The following REV3L variants were observed in gnomAD, a reference collection of about 807,000 sequenced individuals.
REV3L encodes the protein REV3 like, DNA directed polymerase zeta catalytic subunit.
Under a neutral mutation model 299.4 loss-of-function variants are expected in REV3L, and 69 were observed. The ratio of observed to expected loss-of-function variants is 0.23; its 90% CI spans 0.19 to 0.28. The LOEUF (loss-of-function observed/expected upper bound fraction) is 0.28. Among genes scored for constraint, REV3L ranks in the 10% least tolerant of loss-of-function variants. The pLI, the probability that REV3L is intolerant of heterozygous loss-of-function variation, is 1.00. For synonymous variants in REV3L, 1,238 were observed against 1,271.4 expected (o/e 0.97, Z 0.56); for missense variants, 3,128 against 3,693.8 (o/e 0.85, Z 3.97).
At chr6:111,351,527 T>G in intron 19 of REV3L, 149 bp downstream of exon 19, 1 of 496,054 alleles carries the variant, frequency 2.0e-6, no homozygotes, top group Non-Finnish European at 3.6e-6. Flanking sequence ...TTTAATTTTT[T>G]CTACAATGGA....
chr6:111,314,963 A>G (rs556080844), intron 27 of REV3L, among the ~76,000 whole-genome samples: 1 of 150,120 alleles, frequency 6.7e-6, no homozygotes, highest in African/African-American at 2.5e-5. Context: ...TGGTCCTCCT[A>G]CTTCAGCCTC....
chr6:111,373,393 C>T lies in REV3L; in HGVS notation c.4962G>A (p.Gln1654=), dbSNP rs756695783. Residue 1654 remains glutamine (Q), a synonymous_variant, in exon 13 of 32, where the codon CAG becomes CAA. Coordinates refer to ENST00000368802, the MANE Select transcript of REV3L (RefSeq NM_001372078.1). ...CAGAATAAAAGCTACAAAATCCAGT[C>T]TGACCTATTGTGTTAATATCAAAAT... ...NYNFDINTIG[Q]TGFCSFYSGS... 1 of 1,613,602 alleles carries T rather than the reference C, an allele frequency of 6.2e-7. No homozygotes were observed. The highest frequency in any genetic ancestry group is 1.7e-5 in the Admixed American group (1 of 59,960).
chr6:111,423,522 G>T (rs1032936974), intron 1 of REV3L, among the ~76,000 whole-genome samples: 2 of 151,966 alleles, frequency 1.3e-5, no homozygotes, highest in African/African-American at 4.8e-5. Flanking sequence ...AAAAGAGTAT[G>T]AGAGAGAGAA....
At chr6:111,325,863 T>C (rs946394455) in intron 25 of REV3L, among the ~76,000 whole-genome samples, 4 of 152,240 alleles carry the variant, frequency 2.6e-5, no homozygotes, top group East Asian at 1.9e-4. Flanking sequence ...CTAAATACTA[T>C]ATTTTATTCA....
chr6:111,445,044 G>C (rs1788679956), intron 1 of REV3L, among the ~76,000 whole-genome samples: 1 of 152,208 alleles, frequency 6.6e-6, no homozygotes, highest in South Asian at 2.1e-4. Context: ...ATCAACTACA[G>C]ATAATAAGAC....
At chr6:111,476,730 C>T (rs999512546) in intron 1 of REV3L, among the ~76,000 whole-genome samples, 14 of 152,156 alleles carry the variant, frequency 9.2e-5, no homozygotes, top group African/African-American at 3.4e-4. Flanking sequence ...AATAATACAA[C>T]CAGAAATTAC....
chr6:111,434,737 G>A (rs1300392537), intron 1 of REV3L, among the ~76,000 whole-genome samples: 4 of 147,772 alleles, frequency 2.7e-5, no homozygotes, highest in Admixed American at 6.7e-5. Context: ...AATCAAGAAA[G>A]CAACCCCACT....
intron 9 of REV3L, among the ~76,000 whole-genome samples, chr6:111,382,295 G>C (rs1780908671): frequency 6.6e-6 from 1 of 152,180 alleles, no homozygotes; most frequent in South Asian, 2.1e-4. Flanking sequence ...ACGTATCAAG[G>C]AAAGAGGCAG....
intron 12 of REV3L, 72 bp downstream of exon 12, chr6:111,377,629 G>A (rs908004869): frequency 1.5e-5 from 22 of 1,449,944 alleles, no homozygotes; most frequent in African/African-American, 2.8e-5. Flanking sequence ...GAGCCAGAGC[G>A]CCTAGCCTCA....
chr6:111,375,032 G>A lies in REV3L; in HGVS notation c.3323C>T (p.Ser1108Phe), dbSNP rs1359991683. The A allele has an allele frequency of 6.2e-6, 10 of 1,613,910 alleles. No individual in the cohort carries two copies. Among genetic ancestry groups the A allele is most frequent in the East Asian group, 2.2e-5 (1 of 44,886 alleles). The change falls in exon 13 of 32, where the codon TCT becomes TTT. Residue 1108 changes from serine to phenylalanine, a missense_variant. By Grantham distance (155) the Ser-to-Phe change is radical. Transcript: ENST00000368802. ...TCTCTCAGAAAGAAAACCTAGTTTA[G>A]ACATAACATCACTATAATTCAGGTC... ...DCDLNYSDVM[S>F]KLGFLSERST...
intron 26 of REV3L, among the ~76,000 whole-genome samples, chr6:111,322,177 T>C (rs367739789): frequency 1.4e-4 from 21 of 152,194 alleles, no homozygotes; most frequent in Non-Finnish European, 2.4e-4. Flanking sequence ...GTTCTGGCAA[T>C]TGTCCTTCAA....
intron 3 of REV3L, 101 bp from the exon 4 acceptor site, chr6:111,405,731 C>T (rs1783550912): frequency 2.9e-6 from 2 of 696,314 alleles, no homozygotes; most frequent in Non-Finnish European, 4.5e-6. Flanking sequence ...CTTATTAGCA[C>T]ACAAAATTTC....
At chr6:111,410,352 G>T (rs1199242896) in intron 3 of REV3L, among the ~76,000 whole-genome samples, 1 of 152,094 alleles carries the variant, frequency 6.6e-6, no homozygotes, top group Non-Finnish European at 1.5e-5. Flanking sequence ...TGGTTGCAAG[G>T]AAAAAAATTG....
chr6:111,420,195 T>C (rs533909716), intron 1 of REV3L, among the ~76,000 whole-genome samples: 4 of 152,290 alleles, frequency 2.6e-5, no homozygotes, highest in South Asian at 2.1e-4. Flanking sequence ...AGGTAACATA[T>C]AGATTTAAGG....
intron 1 of REV3L, among the ~76,000 whole-genome samples, chr6:111,469,641 C>G (rs1418260414): frequency 5.3e-5 from 8 of 152,202 alleles, no homozygotes; most frequent in Non-Finnish European, 1.0e-4. Flanking sequence ...ACTACTGCCT[C>G]CAGGTGAAAG....
intron 1 of REV3L, among the ~76,000 whole-genome samples, chr6:111,442,009 A>G (rs986843537): frequency 2.0e-5 from 3 of 152,264 alleles, no homozygotes; most frequent in African/African-American, 7.2e-5. Context: ...TAGGTGAAAC[A>G]GGAAGAATAA....
chr6:111,304,475 T>TA (rs1309959888), intron 31 of REV3L, among the ~76,000 whole-genome samples: 1 of 152,090 alleles, frequency 6.6e-6, no homozygotes, highest in African/African-American at 2.4e-5. Flanking sequence ...ACATCTCTAG[T>TA]AATTTCTGCT....
intron 25 of REV3L, among the ~76,000 whole-genome samples, chr6:111,325,251 T>A (rs1774653454): frequency 6.6e-6 from 1 of 152,228 alleles, no homozygotes; most frequent in Non-Finnish European, 1.5e-5. Flanking sequence ...GACAATTTTT[T>A]AAAAGGCACA....
At position 111,375,796 on chromosome 6, in the gene REV3L, T is replaced by G; in HGVS notation, c.2559A>C (p.Thr853=). The G allele has an allele frequency of 6.2e-7, 1 of 1,613,632 alleles. No homozygotes were observed. Among genetic ancestry groups the G allele is most frequent in the Non-Finnish European group, 8.5e-7 (1 of 1,179,764 alleles). Reference sequence around the variant, plus strand: ...GATTATTTTGTATAAAATTATCTTTTGTGGATCCAGTCTCACTACTTTTGG... The same window carrying G: ...GATTATTTTGTATAAAATTATCTTTGGTGGATCCAGTCTCACTACTTTTGG... ...TSTKSSETGS[T]KDNFIQNNPC... is the part of the protein sequence containing the mutation. Residue 853 remains threonine, a synonymous_variant, in exon 13 of 32, where the codon ACA becomes ACC. Transcript: ENST00000368802.
Sources: allele counts gnomAD v4.1 joint callset (sites outside exome capture counted in the v4.1 genomes callset), GRCh38; gene constraint gnomAD v4.1.1; transcripts MANE v1.5; gene names NCBI Gene and HGNC (gene_info 2026-07-23, HGNC 2026-07-21).